Variants in SUN1 observed in about 807,000 individuals in gnomAD.
The protein encoded by SUN1 is Sad1 and UNC84 domain containing 1.
In SUN1, 61 loss-of-function variants were observed where a neutral mutation model predicts 103.2. The ratio of observed to expected loss-of-function variants is 0.59; its 90% CI spans 0.48 to 0.73. The LOEUF (loss-of-function observed/expected upper bound fraction) is 0.73. SUN1 is among the 30% of genes least tolerant of loss of function. SUN1 has a pLI of 0.00. For missense variants in SUN1, 1,052 were observed against 1,034.6 expected, an observed-to-expected ratio of 1.02 and a Z score of -0.23; for synonymous variants, 490 against 425.7, an observed-to-expected ratio of 1.15 and a Z score of -1.86.
chr7:852,320 G>A, intron 7 of SUN1: 1 of 595,948 alleles, frequency 1.7e-6, no homozygotes, highest in South Asian at 2.1e-5. Flanking sequence ...CCCTGCTGCA[G>A]TTCCCAGTGG....
At position 856,350 on chromosome 7, in the gene SUN1, C is replaced by T. The variant is rs1827286966; in HGVS notation, c.1351-8C>T. On this transcript the variant is annotated splice_polypyrimidine_tract_variant and splice_region_variant and intron_variant, in intron 11 of 18. Transcript: ENST00000401592. ...GTGTTTCAGTAGACTATTTCTCATA[C>T]TTTTTAGGCCATCCAGAAGGAACTA... The T allele has an allele frequency of 6.2e-7, 1 of 1,613,832 alleles. No homozygotes were observed. The highest frequency in any genetic ancestry group is 1.3e-5 in the African/African-American group (1 of 75,012).
chr7:846,524 G>A (rs1052700045), intron 5 of SUN1, among the ~76,000 whole-genome samples: 2 of 151,204 alleles, frequency 1.3e-5, no homozygotes, highest in African/African-American at 4.9e-5. Context: ...GCAGTGAGCT[G>A]AGATCATACC....
chr7:850,115 A>G (rs781737479), intron 5 of SUN1: 73 of 1,270,364 alleles, frequency 5.7e-5, no homozygotes, highest in Non-Finnish European at 7.4e-5. Flanking sequence ...TTGGAATTCA[A>G]GTGCTTTAAA....
At position 863,955 on chromosome 7, in the gene SUN1, G is replaced by C. The variant is rs80160293; in HGVS notation, c.1865-1997G>C. Among the ~76,000 whole-genome samples, 1,162 of 152,330 alleles carry C rather than the reference G, an allele frequency of 7.6e-3. 53 individuals carry two copies. In the East Asian group the frequency reaches 0.14, roughly 18 times the overall value. On this transcript the variant is annotated intron_variant, in intron 15 of 18. Transcript: ENST00000401592. ...AATTAAGAAAAGGACTAGTCTAAAA[G>C]TAGGAGGTTCTTTGTATATGTAAAA...
chr7:860,829 A>G (rs534911216), intron 14 of SUN1, among the ~76,000 whole-genome samples: 4 of 152,312 alleles, frequency 2.6e-5, no homozygotes, highest in Admixed American at 6.5e-5. Context: ...CGTGTCTTAT[A>G]TGGCAGCAGA....
chr7:872,435 C>T (rs746260816), intron 17 of SUN1, 35 bp from the exon 18 acceptor site: 2 of 1,545,522 alleles, frequency 1.3e-6, no homozygotes, highest in Non-Finnish European at 1.8e-6. Flanking sequence ...GTTATTTTTC[C>T]ATTCGTTCAT....
chr7:832,719 G>GA (rs975793070), intron 1 of SUN1, 118 bp downstream of exon 1: 21 of 780,122 alleles, frequency 2.7e-5, no homozygotes, highest in South Asian at 3.3e-5. Flanking sequence ...TTTTGAAGGT[G>GA]AAAAAAAATA....
intron 9 of SUN1, 121 bp downstream of exon 9, chr7:853,073 G>T: frequency 7.5e-7 from 1 of 1,336,166 alleles, no homozygotes; most frequent in Non-Finnish European, 9.9e-7. Flanking sequence ...ATTTTTAAAT[G>T]TCAGATAAGC....
intron 1 of SUN1, among the ~76,000 whole-genome samples, chr7:825,581 C>G (rs1373116944): frequency 1.3e-5 from 2 of 152,140 alleles, no homozygotes; most frequent in East Asian, 1.9e-4. Context: ...AGGTTGTAGT[C>G]ATTTATTTCT....
At chr7:816,200 G>GGAGA (rs1170227493), upstream of SUN1, 2 of 255,534 alleles carry the variant, frequency 7.8e-6, no homozygotes, top group Admixed American at 1.3e-4. Flanking sequence ...TCCCCCAGGT[G>GGAGA]CAGACCCCTC....
At chr7:819,709 C>T (rs1192064793) in intron 1 of SUN1, among the ~76,000 whole-genome samples, 9 of 130,562 alleles carry the variant, frequency 6.9e-5, no homozygotes, top group East Asian at 4.3e-4. Flanking sequence ...CAATGCCACC[C>T]TTTTTTTTTT....
At chr7:850,493 T>G (rs537442319) in intron 5 of SUN1, 71 of 157,624 alleles carry the variant, frequency 4.5e-4, no homozygotes, top group Non-Finnish European at 8.7e-4. Context: ...AAAAGTTAGT[T>G]TCAAAAATAA....
At position 861,747 on chromosome 7, in the gene SUN1, G is replaced by A. The variant is rs570618339; in HGVS notation, c.1864+283G>A. ...TGTGCTCGACTGTTCACTCTCTCCT[G>A]TGCTGTGATCGGGGATTGTTCAGTG... On this transcript the variant is annotated intron_variant, in intron 15 of 18. Transcript: ENST00000401592. Among the ~76,000 whole-genome samples, 6 of 152,314 alleles carry A rather than the reference G, an allele frequency of 3.9e-5. No homozygotes were observed. The East Asian group carries it at 5.8e-4, about 15-fold the overall frequency.
At chr7:863,725 C>T (rs576226604) in intron 15 of SUN1, among the ~76,000 whole-genome samples, 12 of 152,312 alleles carry the variant, frequency 7.9e-5, no homozygotes, top group African/African-American at 2.9e-4. Context: ...GGCCTGAGAG[C>T]TCACCTGCTG....
chr7:865,355 C>T (rs779513635), intron 15 of SUN1, among the ~76,000 whole-genome samples: 4 of 152,208 alleles, frequency 2.6e-5, no homozygotes, highest in Non-Finnish European at 4.4e-5. Flanking sequence ...AAGTGATCCA[C>T]CGGCCTCGGC....
chr7:822,880 G>A (rs367693922), intron 1 of SUN1, among the ~76,000 whole-genome samples: 31 of 152,230 alleles, frequency 2.0e-4, no homozygotes, highest in East Asian at 5.8e-4. Flanking sequence ...GTGGCCACCC[G>A]CGAATTCCCG....
intron 17 of SUN1, among the ~76,000 whole-genome samples, chr7:869,912 C>T (rs1472674094): frequency 6.6e-6 from 1 of 152,048 alleles, no homozygotes; most frequent in Non-Finnish European, 1.5e-5. Context: ...CTTCACCATG[C>T]CTTTAAAAAA....
chr7:863,088 G>A (rs1267093715), intron 15 of SUN1, among the ~76,000 whole-genome samples: 8 of 152,334 alleles, frequency 5.3e-5, no homozygotes, highest in Admixed American at 2.0e-4. Flanking sequence ...CTTGCAGTAA[G>A]CTGAGATCGT....
intron 1 of SUN1, among the ~76,000 whole-genome samples, chr7:821,906 G>C (rs892097972): frequency 6.6e-6 from 1 of 152,216 alleles, no homozygotes; most frequent in Non-Finnish European, 1.5e-5. Flanking sequence ...ACCTTTCCCT[G>C]TGCGTATTTG....
Sources: gnomAD v4.1 joint callset for allele counts (sites outside exome capture counted in the v4.1 genomes callset) on GRCh38, gnomAD v4.1.1 for gene constraint, MANE v1.5 for transcripts, NCBI Gene and HGNC (gene_info 2026-07-23, HGNC 2026-07-21) for gene names.